ZNF132: variants seen among roughly 807,000 people sequenced by gnomAD.
ZNF132 encodes zinc finger protein 132 (clone pHZ-12).
ZNF132 carries 6 observed loss-of-function variants against 9.3 expected under a neutral mutation model. The ratio of observed to expected loss-of-function variants is 0.65; its 90% CI spans 0.35 to 1.28. ZNF132 has a LOEUF of 1.28. ZNF132 is among the 50% of genes most tolerant of loss of function. ZNF132 has a pLI of 0.03. For synonymous variants in ZNF132, 296 were observed against 292.0 expected (o/e 1.01, Z -0.14); for missense variants, 877 against 843.2 (o/e 1.04, Z -0.50).
chr19:58,434,587 G>C lies in ZNF132; in HGVS notation c.857C>G (p.Thr286Ser), dbSNP rs780373940. ...KSILGNKKFH[T>S]GEIPHVCKEC... ...CTTACACACATGGGGTATTTCCCCA[G>C]TGTGAAACTTTTTATTACCAAGGAT... is the stretch of plus-strand genomic sequence containing the variant. The change falls in exon 3 of 3, where the codon ACT becomes AGT. Residue 286 changes from threonine to serine, a missense_variant. Coordinates refer to ENST00000254166, the MANE Select transcript of ZNF132 (RefSeq NM_003433.4). 2 of 1,614,098 alleles carry C rather than the reference G, an allele frequency of 1.2e-6. No homozygotes were observed. The highest frequency in any genetic ancestry group is 1.7e-5 in the Admixed American group (1 of 60,020).
At position 58,434,190 on chromosome 19, in the gene ZNF132, G is replaced by A. The variant is rs779992530; in HGVS notation, c.1254C>T (p.Leu418=). ...CGKSFSRSSA[L]IQHWRVHTGE... The stretch of plus-strand genomic sequence containing the variant: ...CAGTGTGAACTCTCCAGTGCTGAAT[G>A]AGAGCAGAGCTTCGGCTGAAGGATT... The change falls in exon 3 of 3, where the codon CTC becomes CTT. Residue 418 remains leucine, a synonymous_variant. Transcript: ENST00000254166. 1.2e-6 allele frequency: 2 copies of A among 1,614,204 alleles called. No individual in the cohort carries two copies. The highest frequency in any genetic ancestry group is 1.3e-5 in the African/African-American group (1 of 75,050).
In ZNF132 at chr19:58,438,472, ATTTTTT is replaced by A. The variant is rs35691687; in HGVS notation, c.64-1263_64-1258del. On this transcript the variant is annotated intron_variant, in intron 1 of 2. Coordinates refer to ENST00000254166, the MANE Select transcript of ZNF132 (RefSeq NM_003433.4). ...TCCACATCTGAAAGATCTAAGGTCAATTTTTTTTTTTTTTTTTTTGAGACAGAGTCT... is the reference window on the plus strand; with the variant it reads ...TCCACATCTGAAAGATCTAAGGTCAATTTTTTTTTTTTTGAGACAGAGTCT... 8.7e-3 allele frequency among the ~76,000 whole-genome samples: 1,129 copies of A among 129,832 alleles called. 20 individuals carry two copies. The highest frequency in any genetic ancestry group is 0.033 in the African/African-American group (1,088 of 33,204). The allele number at this position is 129,832 out of a possible 152,430, so 85.2% of individuals were successfully genotyped here. A position where few individuals can be genotyped will look rare whatever the true frequency, so the allele number is the denominator to read the frequency against.
chr19:58,437,280 C>T, intron 1 of ZNF132, 65 bp from the exon 2 acceptor site: 2 of 1,493,402 alleles, frequency 1.3e-6, no homozygotes, highest in South Asian at 2.7e-5. Context: ...GACTCAGAAT[C>T]CTGATACATC....
Position 58,433,273 on chromosome 19 carries a change from T to A in ZNF132, c.*50A>T, listed in dbSNP as rs2052752463. 6.4e-7 allele frequency: 1 copy of A among 1,556,926 alleles called. No individual in the cohort carries two copies. Among genetic ancestry groups the A allele is most frequent in the Non-Finnish European group, 8.7e-7 (1 of 1,149,582 alleles). ...GTATGGGGATTCTGCTGCATGAAGT[T>A]TGACTTGGCTGAAGATTTTCTCACA... On this transcript the variant is annotated 3_prime_UTR_variant, in exon 3 of 3. Coordinates refer to ENST00000254166, the MANE Select transcript of ZNF132 (RefSeq NM_003433.4).
rs1262705511 is a variant in ZNF132, at chr19:58,434,624, C to G, written c.820G>C (p.Glu274Gln). ...TTATTACCAAGGATTGATTTCTCCTCTAAGAAATTTCCACCTGTTGGGCAT... is the reference window on the plus strand; with the variant it reads ...TTATTACCAAGGATTGATTTCTCCTGTAAGAAATTTCCACCTGTTGGGCAT... Reference protein sequence around the residue: ...FTCPTGGNFLEEKSILGNKKF... With the variant: ...FTCPTGGNFLQEKSILGNKKF... Residue 274 changes from glutamate to glutamine, a missense_variant, in exon 3 of 3, where the codon GAG becomes CAG. Transcript: ENST00000254166. 6.2e-7 allele frequency: 1 copy of G among 1,614,220 alleles called. No individual in the cohort carries two copies. Among genetic ancestry groups the G allele is most frequent in the East Asian group, 2.2e-5 (1 of 44,892 alleles).
chr19:58,439,927 G>C lies in ZNF132; in HGVS notation c.-106C>G. 4 of 1,197,508 alleles carry C rather than the reference G, an allele frequency of 3.3e-6. No homozygotes were observed. The highest frequency in any genetic ancestry group is 4.7e-6 in the Non-Finnish European group (4 of 858,114). The allele number at this position is 1,197,508 out of a possible 1,614,324, so 74.2% of individuals were successfully genotyped here. A position where few individuals can be genotyped will look rare whatever the true frequency, so the allele number is the denominator to read the frequency against. On this transcript the variant is annotated 5_prime_UTR_variant, in exon 1 of 3. Coordinates refer to ENST00000254166, the MANE Select transcript of ZNF132 (RefSeq NM_003433.4). ...CTTCCCAAATGCAAAATGCGCGCAA[G>C]GCCTCTGGGCACCGCAGGGACGAAG...
At position 58,433,727 on chromosome 19, in the gene ZNF132, A is replaced by C. The variant is rs375192340; in HGVS notation, c.1717T>G (p.Cys573Gly). 6.2e-7 allele frequency: 1 copy of C among 1,613,850 alleles called. No individual in the cohort carries two copies. The highest frequency in any genetic ancestry group is 1.3e-5 in the African/African-American group (1 of 74,902). The change falls in exon 3 of 3, where the codon TGC (cysteine) becomes GGC (glycine). Residue 573 changes from cysteine to glycine, a missense_variant. Physicochemically the swap from Cys to Gly is radical, Grantham distance 159. Transcript: ENST00000254166. ...RVHTKERPYE[C>G]NECGKFFSQN... ...CTAAAGAATTTCCCACATTCATTGC[A>C]CTCATAAGGCCTTTCTTTTGTGTGA...
chr19:58,439,460 T>C (rs1339516487), intron 1 of ZNF132, among the ~76,000 whole-genome samples: 1 of 152,172 alleles, frequency 6.6e-6, no homozygotes, highest in African/African-American at 2.4e-5. Context: ...AGACCGGCAG[T>C]CCCCAGAATG....
Position 58,433,797 on chromosome 19 carries a change from C to G in ZNF132, c.1647G>C (p.Gly549=), listed in dbSNP as rs769799715. The part of the protein sequence containing the change: ...GEKPYECSEC[G]KAFAHSSTLI... ...GAGTGGAGCTGTGAGCAAAGGCTTT[C>G]CCACACTCACTACACTCGTAAGGCT... The change falls in exon 3 of 3, where the codon GGG becomes GGC. Residue 549 remains glycine (G), a synonymous_variant. Transcript: ENST00000254166. The G allele has an allele frequency of 1.3e-5, 21 of 1,613,954 alleles. No homozygotes were observed. Among genetic ancestry groups the G allele is most frequent in the Non-Finnish European group, 1.6e-5 (19 of 1,180,026 alleles).
rs2052751915 is a variant in ZNF132 at position 58,433,169 on chromosome 19, A to G, written c.*154T>C. 3 of 787,154 alleles carry G rather than the reference A, an allele frequency of 3.8e-6. No individual in the cohort carries two copies. The highest frequency in any genetic ancestry group is 3.5e-5 in the African/African-American group (2 of 57,126). The allele number at this position is 787,154 out of a possible 1,614,324, so 48.8% of individuals were successfully genotyped here. On this transcript the variant is annotated 3_prime_UTR_variant, in exon 3 of 3. Transcript: ENST00000254166. ...GCTGCATGGGTGAGATGGCCCTGCA[A>G]AGGTTCCTGGGCTGGTCAGAAACAG...
At chr19:58,438,616 G>A (rs1255202463) in intron 1 of ZNF132, among the ~76,000 whole-genome samples, 1 of 151,770 alleles carries the variant, frequency 6.6e-6, no homozygotes, top group Non-Finnish European at 1.5e-5. Flanking sequence ...TGGGACTACA[G>A]GCACCCACCA....
In ZNF132 at chr19:58,437,188, C is replaced by T. The variant is rs2052778335; in HGVS notation, c.91G>A (p.Val31Ile). The change falls in exon 2 of 3, where the codon GTC becomes ATC. Residue 31 changes from valine (V) to isoleucine (I), a missense_variant. Physicochemically the swap from Val to Ile is conservative, Grantham distance 29. Transcript: ENST00000254166. ...QHTSWPCGSA[V>I]PTLKSMVTFE... ...GTTACCATGCTCTTCAATGTGGGGA[C>T]AGCTGAGCCACAGGGCCAAGAAGTA... 6.2e-7 allele frequency: 1 copy of T among 1,608,766 alleles called. No homozygotes were observed. The highest frequency in any genetic ancestry group is 1.7e-5 in the Admixed American group (1 of 58,980).
In ZNF132 at chr19:58,433,452, A is replaced by G; in HGVS notation, c.1992T>C (p.Phe664=). ...PYECIQCGKA[F]SERSTLVRHQ... Reference sequence around the variant, plus strand: ...GCCGAACAAGTGTAGATCTTTCACTAAAGGCTTTTCCACACTGGATGCACT... The same window carrying G: ...GCCGAACAAGTGTAGATCTTTCACTGAAGGCTTTTCCACACTGGATGCACT... Residue 664 remains phenylalanine, a synonymous_variant, in exon 3 of 3, where the codon TTT becomes TTC. Coordinates refer to ENST00000254166, the MANE Select transcript of ZNF132 (RefSeq NM_003433.4). 1 of 1,594,310 alleles carries G rather than the reference A, an allele frequency of 6.3e-7. No individual in the cohort carries two copies. Among genetic ancestry groups the G allele is most frequent in the East Asian group, 2.3e-5 (1 of 44,030 alleles).
At chr19:58,436,539 G>C (rs2052773684) in intron 2 of ZNF132, among the ~76,000 whole-genome samples, 1 of 151,670 alleles carries the variant, frequency 6.6e-6, no homozygotes, top group Admixed American at 6.6e-5. Flanking sequence ...GTGGTGGCAG[G>C]CACCTGTAGT....
chr19:58,437,340 C>A (rs760074980), intron 1 of ZNF132, 125 bp from the exon 2 acceptor site: 54 of 1,098,228 alleles, frequency 4.9e-5, no homozygotes, highest in Non-Finnish European at 6.6e-5. Flanking sequence ...ACCCACTACT[C>A]ACCCATCCAC....
chr19:58,437,831 C>G (rs1032115987), intron 1 of ZNF132: 2 of 980,352 alleles, frequency 2.0e-6, no homozygotes, highest in Admixed American at 6.1e-5. Context: ...GCCTCCCCTG[C>G]CAGCCCTGTT....
chr19:58,435,486 C>T (rs1030523832), intron 2 of ZNF132: 11 of 340,350 alleles, frequency 3.2e-5, no homozygotes, highest in Non-Finnish European at 5.9e-5. Context: ...GATATATACA[C>T]AAATGGCCAA....
In ZNF132 at chr19:58,432,998, C is replaced by A; in HGVS notation, c.*325G>T. On this transcript the variant is annotated 3_prime_UTR_variant, in exon 3 of 3. Transcript: ENST00000254166. Reference sequence around the variant, plus strand: ...ATTTCCCTCAAGGCCCCTCAACCAGCATCGGTTCAGCTGAGCACAGTCCTG... The same window carrying A: ...ATTTCCCTCAAGGCCCCTCAACCAGAATCGGTTCAGCTGAGCACAGTCCTG... 2 of 208,196 alleles carry A rather than the reference C, an allele frequency of 9.6e-6. No homozygotes were observed. Among genetic ancestry groups the A allele is most frequent in the Non-Finnish European group, 1.9e-5 (2 of 104,934 alleles). 12.9% of individuals were successfully genotyped at this position (208,196 alleles called of 1,614,324 possible). A position where few individuals can be genotyped will look rare whatever the true frequency, so the allele number is the denominator to read the frequency against.
At chr19:58,438,630 C>G (rs747300279) in intron 1 of ZNF132, among the ~76,000 whole-genome samples, 1 of 151,916 alleles carries the variant, frequency 6.6e-6, no homozygotes, top group South Asian at 2.1e-4. Flanking sequence ...CCCACCACCA[C>G]GCCTGACTAA....
Sources: gnomAD v4.1 joint callset for allele counts (sites outside exome capture counted in the v4.1 genomes callset) on GRCh38, gnomAD v4.1.1 for gene constraint, MANE v1.5 for transcripts, NCBI Gene and HGNC (gene_info 2026-07-23, HGNC 2026-07-21) for gene names.